The following SETD2 variants were observed in gnomAD, a reference collection of about 807,000 sequenced individuals.
SETD2 encodes the protein histone-lysine N-methyltransferase SETD2.
A neutral mutation model predicts 242.1 loss-of-function variants in SETD2; 31 were observed. The observed-to-expected ratio is 0.13, with a 90% CI of 0.10 to 0.17. The LOEUF is 0.17. Among genes scored for constraint, SETD2 ranks in the 10% least tolerant of loss-of-function variants. The probability of loss-of-function intolerance (pLI) is 1.00; values close to 1 mark genes in which losing one functional copy is unlikely to be tolerated. For synonymous variants in SETD2, 1,006 were observed against 1,066.5 expected, an observed-to-expected ratio of 0.94 and a Z score of 1.11; for missense variants, 2,481 against 3,046.3, an observed-to-expected ratio of 0.81 and a Z score of 4.37.
chr3:47,041,201 C>G (rs1416337493), intron 17 of SETD2, among the ~76,000 whole-genome samples: 2 of 152,196 alleles, frequency 1.3e-5, no homozygotes, highest in East Asian at 3.8e-4. Flanking sequence ...TGGTTTCTAT[C>G]ACAACTACTC....
intron 6 of SETD2, among the ~76,000 whole-genome samples, chr3:47,103,896 A>G (rs1040516313): frequency 6.6e-6 from 1 of 152,174 alleles, no homozygotes; most frequent in African/African-American, 2.4e-5. Flanking sequence ...TATCTTTATC[A>G]GTGTCTCTCC....
intron 4 of SETD2, among the ~76,000 whole-genome samples, chr3:47,116,152 T>C (rs1046581554): frequency 2.7e-5 from 4 of 150,170 alleles, no homozygotes. Flanking sequence ...TTTATCTGTA[T>C]ACATAAAAAG....
At chr3:47,164,229 T>C (rs1364345707), upstream of SETD2, among the ~76,000 whole-genome samples, 1 of 152,142 alleles carries the variant, frequency 6.6e-6, no homozygotes, top group Non-Finnish European at 1.5e-5. This position sits in a 1 kb window ranked among gnomAD's most constrained non-coding sequence, Gnocchi z 5.4. Context: ...CGGCGTGCCT[T>C]GCAGCTGTTG....
intron 15 of SETD2, among the ~76,000 whole-genome samples, chr3:47,052,838 C>T (rs2039908253): frequency 6.6e-6 from 1 of 151,832 alleles, no homozygotes; most frequent in Non-Finnish European, 1.5e-5. Flanking sequence ...AAAATTGTTA[C>T]ACGAATGCTA....
At chr3:47,072,698 C>A (rs574138081) in intron 12 of SETD2, among the ~76,000 whole-genome samples, 3 of 152,114 alleles carry the variant, frequency 2.0e-5, no homozygotes, top group South Asian at 4.2e-4. Context: ...GTAATCCCAG[C>A]ACTTTGGAAG....
chr3:47,142,084 A>G (rs1428212951), intron 1 of SETD2, among the ~76,000 whole-genome samples: 4 of 152,242 alleles, frequency 2.6e-5, no homozygotes, highest in Non-Finnish European at 4.4e-5. Flanking sequence ...AAAGGTTAAA[A>G]TAAACTGCAA....
intron 18 of SETD2, among the ~76,000 whole-genome samples, chr3:47,035,104 A>G (rs2038941314): frequency 6.6e-6 from 1 of 152,234 alleles, no homozygotes; most frequent in Non-Finnish European, 1.5e-5. Context: ...TTATGATCAT[A>G]CTTCTCTTAC....
chr3:47,081,295 A>T (rs2041306793), intron 12 of SETD2, among the ~76,000 whole-genome samples: 1 of 152,164 alleles, frequency 6.6e-6, no homozygotes, highest in Non-Finnish European at 1.5e-5. Context: ...AGCCAAGCGG[A>T]ACACATGTCC....
chr3:47,164,044 CAGG>C lies in SETD2; in HGVS notation c.-123_-121del. ...GCGGCGGCGGCGGCGGCGGCGGCGG[CAGG>C]GGCGGCCCGCGTCGCTACCTCGCTC... On this transcript the variant is annotated 5_prime_UTR_variant, in exon 1 of 21. Transcript: ENST00000409792. The surrounding 1 kb of genome is among the most constrained non-coding windows in gnomAD (Gnocchi z 5.4). 1.1e-5 allele frequency: 13 copies of C among 1,212,610 alleles called. No homozygotes were observed. Among genetic ancestry groups the C allele is most frequent in the East Asian group, 3.5e-5 (1 of 28,982 alleles). The allele number at this position is 1,212,610 out of a possible 1,614,324, so 75.1% of individuals were successfully genotyped here. A position where few individuals can be genotyped will look rare whatever the true frequency, so the allele number is the denominator to read the frequency against.
At chr3:47,127,489 A>G (rs1298354035) in intron 1 of SETD2, 4 of 408,212 alleles carry the variant, frequency 9.8e-6, no homozygotes, top group Admixed American at 2.8e-5. Context: ...ACACTTTAAG[A>G]GGCTAAATTG....
At position 47,121,522 on chromosome 3, in the gene SETD2, A is replaced by T. The variant is rs115790187; in HGVS notation, c.3114T>A (p.Tyr1038Ter). The change falls in exon 3 of 21, where the codon TAT (tyrosine) becomes TAA (stop). Residue 1038 changes from tyrosine to a stop codon, truncating the protein, a stop_gained. Transcript: ENST00000409792. LOFTEE classifies it high-confidence loss of function. Reference protein sequence around the residue: ...PEIVSTVHEDYSGSSESSNDE... With the variant: ...PEIVSTVHED The stretch of plus-strand genomic sequence containing the variant: ...CATTTGAACTTTCAGAAGAGCCAGA[A>T]TAATCTTCATGAACTGTAGACACAA... 1 of 1,614,186 alleles carries T rather than the reference A, an allele frequency of 6.2e-7. No homozygotes were observed. Among genetic ancestry groups the T allele is most frequent in the Non-Finnish European group, 8.5e-7 (1 of 1,180,036 alleles).
intron 9 of SETD2, among the ~76,000 whole-genome samples, chr3:47,089,136 G>A (rs1291176901): frequency 6.6e-6 from 1 of 152,124 alleles, no homozygotes; most frequent in Non-Finnish European, 1.5e-5. Context: ...ATACATATGT[G>A]AAAAACTGCT....
At chr3:47,158,932 T>C (rs896333361) in intron 1 of SETD2, among the ~76,000 whole-genome samples, 3 of 152,180 alleles carry the variant, frequency 2.0e-5, no homozygotes, top group African/African-American at 7.2e-5. Context: ...ATGTCATCCA[T>C]GTTAAAACCT....
Position 47,083,974 on chromosome 3 carries a change from A to G in SETD2, c.5806T>C (p.Cys1936Arg). The part of the protein sequence containing the change: ...QQLLPQQLPE[C>R]KVDSETNIEA... Reference sequence around the variant, plus strand: ...ATGTTGGTTTCACTATCAACTTTGCATTCAGGCAGCTGTTGTGGGAGTAGC... The same window carrying G: ...ATGTTGGTTTCACTATCAACTTTGCGTTCAGGCAGCTGTTGTGGGAGTAGC... Residue 1936 changes from cysteine (C) to arginine (R), a missense_variant, in exon 12 of 21, where the codon TGC becomes CGC. This residue lies in a region of SETD2 where 203 missense variants were observed against 222.4 expected (regional missense o/e 0.91). Coordinates refer to ENST00000409792, the MANE Select transcript of SETD2 (RefSeq NM_014159.7). 6.2e-7 allele frequency: 1 copy of G among 1,614,114 alleles called. No homozygotes were observed. The highest frequency in any genetic ancestry group is 8.5e-7 in the Non-Finnish European group (1 of 1,180,030).
Position 47,164,012 on chromosome 3 carries a change from C to CGCGGCG in SETD2, c.-94_-89dup, listed in dbSNP as rs76496241. The CGCGGCG allele has an allele frequency of 5.8e-4, 691 of 1,192,278 alleles. No individual in the cohort carries two copies. Among genetic ancestry groups the CGCGGCG allele is most frequent in the South Asian group, 3.1e-3 (76 of 24,170 alleles). 73.9% of individuals were successfully genotyped at this position (1,192,278 alleles called of 1,614,324 possible). ...GAGGGGAGGAGGCCGCAGGTCCGAC[C>CGCGGCG]GCGGCGGCGGCGGCGGCGGCGGCGG... On this transcript the variant is annotated 5_prime_UTR_variant, in exon 1 of 21. Transcript: ENST00000409792. This position sits in a 1 kb window ranked among gnomAD's most constrained non-coding sequence, Gnocchi z 5.4.
intron 9 of SETD2, among the ~76,000 whole-genome samples, chr3:47,094,012 A>C (rs1014951770): frequency 6.6e-5 from 10 of 152,198 alleles, no homozygotes; most frequent in Admixed American, 6.5e-4. Context: ...TTAATAGGAT[A>C]CTAGTTACAC....
rs2106693084 is a variant in SETD2, at chr3:47,123,010, C to A, written c.1626G>T (p.Gly542=). Residue 542 remains glycine (G), a synonymous_variant, in exon 3 of 21, where the codon GGG becomes GGT. Coordinates refer to ENST00000409792, the MANE Select transcript of SETD2 (RefSeq NM_014159.7). Reference sequence around the variant, plus strand: ...TACTGTCATGCTTAGAATATGATGACCCTCGTCGGAATCCCAGTTCATTAG... The same window carrying A: ...TACTGTCATGCTTAGAATATGATGAACCTCGTCGGAATCCCAGTTCATTAG... The part of the protein sequence containing the change: ...SPPNELGFRR[G]SSYSKHDSSA... The A allele has an allele frequency of 1.9e-6, 3 of 1,614,022 alleles. No homozygotes were observed. Among genetic ancestry groups the A allele is most frequent in the East Asian group, 2.2e-5 (1 of 44,876 alleles).
At chr3:47,157,105 CAA>C (rs1318269821) in intron 1 of SETD2, among the ~76,000 whole-genome samples, 12 of 152,096 alleles carry the variant, frequency 7.9e-5, no homozygotes, top group Admixed American at 4.6e-4. Flanking sequence ...CCCATCTCTA[CAA>C]ACAAAATTAG....
At chr3:47,042,836 C>A in intron 16 of SETD2, 136 bp from the exon 17 acceptor site, 1 of 816,768 alleles carries the variant, frequency 1.2e-6, no homozygotes, top group South Asian at 1.8e-5. Flanking sequence ...AAGGTACAGT[C>A]TGGGAAATAA....
Sources: allele counts gnomAD v4.1 joint callset (sites outside exome capture counted in the v4.1 genomes callset), GRCh38; gene constraint gnomAD v4.1.1; regional missense constraint gnomAD v4.1.1; non-coding constraint Gnocchi (gnomAD v3.1); transcripts MANE v1.5; gene names NCBI Gene and HGNC (gene_info 2026-07-23, HGNC 2026-07-21).